The following ASXL2 variants were observed in gnomAD, a reference collection of about 807,000 sequenced individuals.
ASXL2 encodes ASXL transcriptional regulator 2.
In ASXL2, 23 loss-of-function variants were observed where a neutral mutation model predicts 122.0. That is an observed-to-expected ratio of 0.19 (90% CI 0.14 to 0.27). ASXL2 has a LOEUF of 0.27. Among genes scored for constraint, ASXL2 ranks in the 10% least tolerant of loss-of-function variants. The pLI, the probability that ASXL2 is intolerant of heterozygous loss-of-function variation, is 1.00. For missense variants in ASXL2, 1,518 were observed against 1,713.8 expected (o/e 0.89, Z 2.02); for synonymous variants, 650 against 637.0 (o/e 1.02, Z -0.31).
chr2:25,770,374 C>G (rs2088426455), intron 6 of ASXL2, among the ~76,000 whole-genome samples: 1 of 152,168 alleles, frequency 6.6e-6, no homozygotes, highest in African/African-American at 2.4e-5. Context: ...CTCCTGACCT[C>G]AGGTGATCCG....
chr2:25,837,968 A>C (rs1240104302), intron 2 of ASXL2, among the ~76,000 whole-genome samples: 1 of 151,670 alleles, frequency 6.6e-6, no homozygotes, highest in Non-Finnish European at 1.5e-5. Context: ...AAAAAAAAAA[A>C]AAAACACAAA....
At chr2:25,787,902 G>A (rs558234578) in intron 5 of ASXL2, among the ~76,000 whole-genome samples, 4 of 152,232 alleles carry the variant, frequency 2.6e-5, no homozygotes, top group African/African-American at 9.6e-5. Context: ...ATGAAGATGA[G>A]ATCAGTCAGA....
At chr2:25,866,785 T>C in intron 1 of ASXL2, among the ~76,000 whole-genome samples, 1 of 152,166 alleles carries the variant, frequency 6.6e-6, no homozygotes, top group East Asian at 1.9e-4. Flanking sequence ...CAGGCTGGAG[T>C]GCACAGGTAT....
At chr2:25,864,897 T>C (rs1320085919) in intron 1 of ASXL2, among the ~76,000 whole-genome samples, 5 of 151,734 alleles carry the variant, frequency 3.3e-5, no homozygotes, top group Admixed American at 6.6e-5. Context: ...AATAGCGCGA[T>C]CTCAGCTCAC....
chr2:25,874,816 A>G lies in ASXL2; in HGVS notation c.57+3350T>C, dbSNP rs990073467. Among the ~76,000 whole-genome samples the G allele has an allele frequency of 3.8e-4, 58 of 152,280 alleles. 1 individual carries two copies. Among genetic ancestry groups the G allele is most frequent in the Non-Finnish European group, 1.5e-5 (1 of 68,018 alleles). ...AACATGCAGCTGAGTATAGTGGACC[A>G]CGCCTATAATATCAGCACTTTGGCA... On this transcript the variant is annotated intron_variant, in intron 1 of 12. Transcript: ENST00000435504.
intron 5 of ASXL2, among the ~76,000 whole-genome samples, chr2:25,772,541 G>A (rs143707500): frequency 6.6e-6 from 1 of 151,980 alleles, no homozygotes; most frequent in Non-Finnish European, 1.5e-5. Context: ...AGAACAGCCT[G>A]ACCAACATGG....
intron 1 of ASXL2, among the ~76,000 whole-genome samples, chr2:25,870,448 C>T (rs981444441): frequency 1.4e-4 from 22 of 152,230 alleles, no homozygotes; most frequent in African/African-American, 5.3e-4. Flanking sequence ...CACTTGAACC[C>T]AGGAGGCGGA....
chr2:25,811,778 G>A (rs1385116473), intron 3 of ASXL2, among the ~76,000 whole-genome samples: 1 of 152,022 alleles, frequency 6.6e-6, no homozygotes, highest in African/African-American at 2.4e-5. Context: ...TTGAGATGGA[G>A]TCTCACTCTG....
rs115228635 is a variant in ASXL2 at position 25,751,088 on chromosome 2, A to T, written c.1143-675T>A. 3.4e-3 allele frequency among the ~76,000 whole-genome samples: 521 copies of T among 152,320 alleles called. 2 individuals carry two copies. The highest frequency in any genetic ancestry group is 0.011 in the African/African-American group (474 of 41,576). ...GTATAGTTCCATTGAGATATCCATA[A>T]TGTGGCTTGGCTAAAAGCTAGGCTA... On this transcript the variant is annotated intron_variant, in intron 11 of 12. Transcript: ENST00000435504.
Position 25,735,305 on chromosome 2 carries a change from GAC to G in ASXL2, c.*6722_*6723del, listed in dbSNP as rs1230259285. ...GTTACCAAGTATTAGGAAAACTGAG[GAC>G]ACTCATCCTCCTGGTTCCTGGACAG... On this transcript the variant is annotated 3_prime_UTR_variant, in exon 13 of 13. Coordinates refer to ENST00000435504, the MANE Select transcript of ASXL2 (RefSeq NM_018263.6). 6.6e-6 allele frequency: 1 copy of G among 152,192 alleles called. No individual in the cohort carries two copies. The highest frequency in any genetic ancestry group is 2.4e-5 in the African/African-American group (1 of 41,446). 9.4% of individuals were successfully genotyped at this position (152,192 alleles called of 1,614,324 possible).
chr2:25,757,927 A>C (rs1324211375), intron 9 of ASXL2, among the ~76,000 whole-genome samples: 1 of 150,018 alleles, frequency 6.7e-6, no homozygotes, highest in African/African-American at 2.4e-5. Flanking sequence ...TTAACAAAAA[A>C]AAAAAAAAAA....
At chr2:25,814,395 G>T (rs1456424798) in intron 3 of ASXL2, among the ~76,000 whole-genome samples, 4 of 152,154 alleles carry the variant, frequency 2.6e-5, no homozygotes, top group Non-Finnish European at 5.9e-5. Context: ...CATCTGCATG[G>T]GTGATAAAAC....
intron 5 of ASXL2, among the ~76,000 whole-genome samples, chr2:25,777,074 C>T (rs921835446): frequency 3.3e-5 from 5 of 152,096 alleles, no homozygotes; most frequent in African/African-American, 4.8e-5. Flanking sequence ...TTAACTACTA[C>T]TCTAACTTTT....
At chr2:25,839,630 T>TG (rs2089553183) in intron 2 of ASXL2, among the ~76,000 whole-genome samples, 1 of 149,526 alleles carries the variant, frequency 6.7e-6, no homozygotes, top group Non-Finnish European at 1.5e-5. Flanking sequence ...TTTTTTTTTT[T>TG]TTTTTTTAAG....
chr2:25,820,575 A>G (rs1197225980), intron 3 of ASXL2, among the ~76,000 whole-genome samples: 1 of 152,248 alleles, frequency 6.6e-6, no homozygotes, highest in African/African-American at 2.4e-5. Flanking sequence ...ACAGAGACAG[A>G]AAGTAGATTA....
rs368199433 is a variant in ASXL2, at chr2:25,744,303, G to A, written c.2034C>T (p.Ala678=). The change falls in exon 13 of 13, where the codon GCC becomes GCT. Residue 678 remains alanine, a synonymous_variant. Coordinates refer to ENST00000435504, the MANE Select transcript of ASXL2 (RefSeq NM_018263.6). This position sits in a 1 kb window ranked among gnomAD's most constrained non-coding sequence, Gnocchi z 4.7. ...CAACTGAGGCGGCTGCAGCAGCTGC[G>A]GCGGCAGCGGCAGCTGCTGCCCTCT... is the stretch of plus-strand genomic sequence containing the variant. ...KAQRAAAAAA[A]AAAAAASVGG... is the part of the protein sequence containing the mutation. The A allele has an allele frequency of 4.0e-5, 64 of 1,611,280 alleles. No homozygotes were observed. The East Asian group carries it at 1.1e-3, about 29-fold the overall frequency.
Position 25,749,749 on chromosome 2 carries a change from G to A in ASXL2, c.1807C>T (p.Pro603Ser). The change falls in exon 12 of 13, where the codon CCC becomes TCC. Residue 603 changes from proline (P) to serine (S), a missense_variant. Transcript: ENST00000435504. ...HQQPFQVSPQ[P>S]FLNRGDRIQV... ...ATTCTGTCCCCTCTATTGAGAAAGG[G>A]CTGTGGTGAGACCTGAAATGGCTGC... The A allele has an allele frequency of 6.3e-7, 1 of 1,576,214 alleles. No homozygotes were observed. The highest frequency in any genetic ancestry group is 8.6e-7 in the Non-Finnish European group (1 of 1,166,792).
chr2:25,861,757 A>G (rs2089844853), intron 1 of ASXL2, among the ~76,000 whole-genome samples: 1 of 152,248 alleles, frequency 6.6e-6, no homozygotes, highest in Non-Finnish European at 1.5e-5. Context: ...ATTTACAATA[A>G]GCCTCTTGGG....
intron 1 of ASXL2, among the ~76,000 whole-genome samples, chr2:25,864,201 G>C (rs1462300996): frequency 6.6e-6 from 1 of 152,136 alleles, no homozygotes; most frequent in South Asian, 2.1e-4. Flanking sequence ...CTGAACAGAG[G>C]CAAGGGCAAG....
Sources: gnomAD v4.1 joint callset for allele counts (sites outside exome capture counted in the v4.1 genomes callset) on GRCh38, gnomAD v4.1.1 for gene constraint, Gnocchi (gnomAD v3.1) non-coding constraint, MANE v1.5 for transcripts, NCBI Gene and HGNC (gene_info 2026-07-23, HGNC 2026-07-21) for gene names.